LINGO2: variants seen among roughly 807,000 people sequenced by gnomAD.
LINGO2 encodes leucine rich repeat and Ig domain containing 2.
In LINGO2, 14 loss-of-function variants were observed where a neutral mutation model predicts 30.6. The ratio of observed to expected loss-of-function variants is 0.46; its 90% confidence interval spans 0.30 to 0.72. LINGO2 has a LOEUF of 0.72. Ranked by LOEUF, LINGO2 falls within the 30% of genes least tolerant of loss-of-function variation. LINGO2 has a pLI of 0.07. For missense variants in LINGO2, 729 were observed against 751.7 expected, an observed-to-expected ratio of 0.97 and a Z score of 0.35; for synonymous variants, 317 against 288.5, an observed-to-expected ratio of 1.10 and a Z score of -1.00.
the LINGO2 span, among the ~76,000 whole-genome samples, chr9:29,127,469 T>C: frequency 6.6e-6 from 1 of 152,080 alleles, no homozygotes; most frequent in African/African-American, 2.4e-5. Flanking sequence ...TTTTTCTCTT[T>C]CCAACTTGGG....
chr9:28,420,296 A>G (rs1329741766), intron 2 of LINGO2, among the ~76,000 whole-genome samples: 1 of 152,116 alleles, frequency 6.6e-6, no homozygotes, highest in Non-Finnish European at 1.5e-5. Flanking sequence ...TACAAGGTCA[A>G]TTTTAGAAAG....
At chr9:28,597,566 A>G (rs2135731653) in intron 1 of LINGO2, among the ~76,000 whole-genome samples, 1 of 152,308 alleles carries the variant, frequency 6.6e-6, no homozygotes, top group Admixed American at 6.5e-5. Context: ...TCTTTTGTTC[A>G]AGTCTTTTCA....
chr9:28,535,540 T>G (rs746212145), intron 1 of LINGO2, among the ~76,000 whole-genome samples: 8 of 152,084 alleles, frequency 5.3e-5, no homozygotes, highest in Non-Finnish European at 1.0e-4. Context: ...TATTTTTTTT[T>G]AATTTTATAC....
chr9:29,076,687 C>T, the LINGO2 span, among the ~76,000 whole-genome samples: 1 of 149,562 alleles, frequency 6.7e-6, no homozygotes, highest in Non-Finnish European at 1.5e-5. Flanking sequence ...CTTTTAGACA[C>T]ACAACGTAAG....
chr9:28,106,381 C>G (rs1311866512), intron 4 of LINGO2, among the ~76,000 whole-genome samples: 2 of 152,108 alleles, frequency 1.3e-5, no homozygotes, highest in South Asian at 4.2e-4. Context: ...ATAATTCAAG[C>G]CTGACAACTG....
At chr9:28,912,477 G>T in the LINGO2 span, among the ~76,000 whole-genome samples, 2 of 151,980 alleles carry the variant, frequency 1.3e-5, no homozygotes, top group African/African-American at 4.8e-5. Flanking sequence ...TGGAGAATCA[G>T]CCATTATAGA....
At chr9:27,978,894 T>C (rs1222226981) in intron 5 of LINGO2, among the ~76,000 whole-genome samples, 1 of 152,082 alleles carries the variant, frequency 6.6e-6, no homozygotes. Flanking sequence ...TTGATATCAT[T>C]GAGAACTTAC....
chr9:28,322,054 A>T (rs924105424), intron 3 of LINGO2, among the ~76,000 whole-genome samples: 11 of 152,216 alleles, frequency 7.2e-5, no homozygotes, highest in Non-Finnish European at 1.3e-4. Context: ...TACTTACCTC[A>T]GCTTACTAAG....
intron 1 of LINGO2, among the ~76,000 whole-genome samples, chr9:28,534,630 CTTA>C (rs1400064761): frequency 2.0e-5 from 3 of 151,974 alleles, no homozygotes; most frequent in Non-Finnish European, 2.9e-5. Flanking sequence ...GTGCTGCTTA[CTTA>C]TTATAATGTT....
At chr9:28,149,026 C>A in intron 4 of LINGO2, 1 of 1,534,320 alleles carries the variant, frequency 6.5e-7, no homozygotes, top group Non-Finnish European at 8.7e-7. Flanking sequence ...GGGATAGAGA[C>A]GAGGGGCCCC....
intron 4 of LINGO2, among the ~76,000 whole-genome samples, chr9:28,287,457 A>G (rs879386968): frequency 1.3e-5 from 2 of 152,152 alleles, no homozygotes; most frequent in Non-Finnish European, 2.9e-5. Context: ...AATATCCCCT[A>G]TTATTTTCAC....
intron 3 of LINGO2, among the ~76,000 whole-genome samples, chr9:28,330,733 A>G (rs1825388385): frequency 1.3e-5 from 2 of 152,306 alleles, no homozygotes; most frequent in African/African-American, 2.4e-5. Flanking sequence ...ACTTCATGCC[A>G]TCTTTTAACA....
the LINGO2 span, among the ~76,000 whole-genome samples, chr9:28,677,175 G>A: frequency 1.3e-5 from 2 of 152,182 alleles, no homozygotes; most frequent in East Asian, 1.9e-4. Context: ...AACCAGGCAA[G>A]TAAAGAGCTA....
chr9:28,644,138 C>A (rs997103066), intron 1 of LINGO2, among the ~76,000 whole-genome samples: 15 of 151,176 alleles, frequency 9.9e-5, no homozygotes, highest in Admixed American at 9.3e-4. Context: ...CTCAAAAAAC[C>A]AAAAAATCTA....
In LINGO2 at chr9:28,122,148, T is replaced by C. The variant is rs1054470551; in HGVS notation, c.-86-109743A>G. 7.2e-5 allele frequency among the ~76,000 whole-genome samples: 11 copies of C among 152,152 alleles called. No individual in the cohort carries two copies. The East Asian group carries it at 7.7e-4, about 11-fold the overall frequency. On this transcript the variant is annotated intron_variant, in intron 4 of 5. Transcript: ENST00000379992. ...TGTCCAACTGTCTTGAGACAGTACA[T>C]AGGAAAGCTTAAAACGAAACATTCA...
At position 28,462,769 on chromosome 9, in the gene LINGO2, C is replaced by T. The variant is rs1234162121; in HGVS notation, c.-279+13171G>A. Among the ~76,000 whole-genome samples the T allele has an allele frequency of 1.1e-4, 16 of 151,926 alleles. 1 individual carries two copies. Among genetic ancestry groups the T allele is most frequent in the Non-Finnish European group, 1.5e-5 (1 of 67,924 alleles). ...TTTTAAAAACAAGGAAACAGTGGCT[C>T]AATGAAGTAATGTGGATTCATAGAG... On this transcript the variant is annotated intron_variant, in intron 2 of 5. Transcript: ENST00000379992.
chr9:28,055,848 A>G (rs903403064), intron 4 of LINGO2, among the ~76,000 whole-genome samples: 1 of 152,136 alleles, frequency 6.6e-6, no homozygotes, highest in African/African-American at 2.4e-5. Flanking sequence ...TCTGTTCACA[A>G]CTTACTTTGG....
At position 28,220,663 on chromosome 9, in the gene LINGO2, T is replaced by C. The variant is rs138571465; in HGVS notation, c.-87+74545A>G. On this transcript the variant is annotated intron_variant, in intron 4 of 5. Coordinates refer to ENST00000379992, the Ensembl canonical transcript of LINGO2. ...GTTGGTTACAAGTTCATTTCTCATA[T>C]GGGACAGTTTACATTGTTCCAATCT... is the stretch of plus-strand genomic sequence containing the variant. Among the ~76,000 whole-genome samples the C allele has an allele frequency of 8.8e-4, 134 of 152,280 alleles. 1 individual carries two copies. The highest frequency in any genetic ancestry group is 3.2e-3 in the African/African-American group (131 of 41,558).
intron 4 of LINGO2, among the ~76,000 whole-genome samples, chr9:28,216,816 C>G (rs180923650): frequency 2.0e-4 from 30 of 151,666 alleles, no homozygotes; most frequent in African/African-American, 6.8e-4. Context: ...AATAAAATAC[C>G]ATTTATTCAA....
Sources: allele counts gnomAD v4.1 joint callset (sites outside exome capture counted in the v4.1 genomes callset), GRCh38; gene constraint gnomAD v4.1.1; transcripts MANE v1.5; gene names NCBI Gene and HGNC (gene_info 2026-07-23, HGNC 2026-07-21).